ROBO1: variants seen among roughly 807,000 people sequenced by gnomAD.
ROBO1 encodes the protein roundabout homolog 1.
A neutral mutation model predicts 195.9 loss-of-function variants in ROBO1; 149 were observed. The ratio of observed to expected loss-of-function variants is 0.76; its 90% CI spans 0.67 to 0.87. ROBO1 has a LOEUF of 0.87. Ranked by LOEUF, ROBO1 falls within the 40% of genes least tolerant of loss-of-function variation. The pLI, the probability that ROBO1 is intolerant of heterozygous loss-of-function variation, is 0.00. For missense variants in ROBO1, 1,933 were observed against 2,068.3 expected (o/e 0.93, Z 1.27); for synonymous variants, 816 against 733.2 (o/e 1.11, Z -1.82).
intron 2 of ROBO1, among the ~76,000 whole-genome samples, chr3:79,201,223 C>T (rs2081757477): frequency 1.3e-5 from 2 of 151,938 alleles, no homozygotes; most frequent in African/African-American, 4.8e-5. Flanking sequence ...TTTAATTCTA[C>T]TGTTTAAAAC....
chr3:78,786,335 A>G (rs2083833144), intron 4 of ROBO1, among the ~76,000 whole-genome samples: 1 of 152,210 alleles, frequency 6.6e-6, no homozygotes, highest in Non-Finnish European at 1.5e-5. Context: ...TGCTTTATAA[A>G]ACAAGTTTCA....
intron 1 of ROBO1, among the ~76,000 whole-genome samples, chr3:79,728,053 T>C (rs900604250): frequency 9.2e-5 from 14 of 152,144 alleles, no homozygotes; most frequent in African/African-American, 3.4e-4. Context: ...CAAGTGCTTA[T>C]CTTGTTATGT....
At chr3:78,788,082 G>A (rs2083897122) in intron 4 of ROBO1, among the ~76,000 whole-genome samples, 1 of 151,496 alleles carries the variant, frequency 6.6e-6, no homozygotes, top group African/African-American at 2.4e-5. Context: ...TGGGACTACA[G>A]GCGCCTGCCA....
chr3:79,683,286 G>A (rs898438937), intron 1 of ROBO1, among the ~76,000 whole-genome samples: 2 of 151,878 alleles, frequency 1.3e-5, no homozygotes, highest in Admixed American at 6.6e-5. Flanking sequence ...TCTGTCATGC[G>A]ATAAGATGCC....
chr3:79,155,252 G>A (rs968293427), intron 2 of ROBO1, among the ~76,000 whole-genome samples: 1 of 151,564 alleles, frequency 6.6e-6, no homozygotes, highest in Non-Finnish European at 1.5e-5. Context: ...AAAGAGAAAG[G>A]GCATGTTCTG....
chr3:79,212,599 C>T (rs1332653910), intron 2 of ROBO1, among the ~76,000 whole-genome samples: 2 of 152,188 alleles, frequency 1.3e-5, no homozygotes, highest in East Asian at 1.9e-4. Flanking sequence ...GGGCGCAGAT[C>T]ACTTGAGGCC....
chr3:79,231,680 A>AAT (rs1379137553), intron 2 of ROBO1, among the ~76,000 whole-genome samples: 1 of 152,156 alleles, frequency 6.6e-6, no homozygotes, highest in African/African-American at 2.4e-5. Flanking sequence ...TAAAGACAGA[A>AAT]ATGCCATTTG....
chr3:78,698,739 A>G lies in ROBO1; in HGVS notation c.1046-9967T>C, dbSNP rs141729669. 6.7e-3 allele frequency among the ~76,000 whole-genome samples: 1,019 copies of G among 152,314 alleles called. 6 individuals are homozygous for G. The highest frequency in any genetic ancestry group is 0.01 in the Non-Finnish European group (685 of 68,032). ...CAGCTGTAGATGAGCTATTCAACTT[A>G]AAGCTTATCAGAATACTAACATATA... On this transcript the variant is annotated intron_variant, in intron 8 of 30. Coordinates refer to ENST00000464233, the MANE Select transcript of ROBO1 (RefSeq NM_002941.4).
chr3:79,366,896 G>T (rs949591525), intron 2 of ROBO1, among the ~76,000 whole-genome samples: 2 of 32,348 alleles, frequency 6.2e-5, no homozygotes, highest in African/African-American at 3.1e-4. Flanking sequence ...CTTAGAAACA[G>T]GGGGAAGCTC....
rs2036244817 is a variant in ROBO1 at position 78,882,544 on chromosome 3, C to CT, written c.499+56056dup. Among the ~76,000 whole-genome samples, 3 of 152,064 alleles carry CT rather than the reference C, an allele frequency of 2.0e-5. No homozygotes were observed. In the South Asian group the frequency reaches 6.2e-4, roughly 31 times the overall value. ...GCCATCATGCTGAATGAAATATCTGCTAAGTATTTCTTCTCCACTGCATCT... is the reference window on the plus strand; with the variant it reads ...GCCATCATGCTGAATGAAATATCTGCTTAAGTATTTCTTCTCCACTGCATCT... On this transcript the variant is annotated intron_variant, in intron 4 of 30. Transcript: ENST00000464233.
chr3:78,814,388 T>C (rs778144374), intron 4 of ROBO1, among the ~76,000 whole-genome samples: 1 of 152,092 alleles, frequency 6.6e-6, no homozygotes, highest in Non-Finnish European at 1.5e-5. Context: ...TTTTATACTT[T>C]TAAAAAATGA....
intron 1 of ROBO1, among the ~76,000 whole-genome samples, chr3:79,750,483 G>T (rs1704087379): frequency 6.6e-6 from 1 of 152,096 alleles, no homozygotes; most frequent in African/African-American, 2.4e-5. Flanking sequence ...TATATGAGTT[G>T]GCTGTGTCCC....
chr3:79,208,936 T>G (rs1190027054), intron 2 of ROBO1, among the ~76,000 whole-genome samples: 1 of 152,144 alleles, frequency 6.6e-6, no homozygotes, highest in Non-Finnish European at 1.5e-5. Flanking sequence ...CAGCTTACTC[T>G]CTGTTTATGT....
rs368909952 is a variant in ROBO1, at chr3:79,584,646, T to TAC, written c.88+5176_88+5177dup. On this transcript the variant is annotated intron_variant, in intron 2 of 30. Transcript: ENST00000464233. ...GTGTGTGTGTGTGTGTGTATGTTCA[T>TAC]ACACACACACACACATACACGTACA... Among the ~76,000 whole-genome samples, 1,038 of 141,662 alleles carry TAC rather than the reference T, an allele frequency of 7.3e-3. 20 individuals carry two copies. Among genetic ancestry groups the TAC allele is most frequent in the African/African-American group, 0.025 (910 of 37,106 alleles). The allele number at this position is 141,662 out of a possible 152,430, so 92.9% of individuals were successfully genotyped here.
At chr3:79,690,751 C>T (rs1947275271) in intron 1 of ROBO1, among the ~76,000 whole-genome samples, 1 of 151,948 alleles carries the variant, frequency 6.6e-6, no homozygotes, top group Non-Finnish European at 1.5e-5. Context: ...AGTGTCCCTA[C>T]AATGATTCAC....
At chr3:79,177,971 T>C (rs764270254) in intron 2 of ROBO1, among the ~76,000 whole-genome samples, 2 of 152,248 alleles carry the variant, frequency 1.3e-5, no homozygotes, top group Non-Finnish European at 2.9e-5. Context: ...CAAGATCATG[T>C]GGCCAATTAA....
chr3:79,517,803 C>G (rs769121047), intron 2 of ROBO1, among the ~76,000 whole-genome samples: 2 of 152,174 alleles, frequency 1.3e-5, no homozygotes, highest in Non-Finnish European at 2.9e-5. Flanking sequence ...TTTTATTACT[C>G]TACTATGAAA....
intron 2 of ROBO1, among the ~76,000 whole-genome samples, chr3:79,462,893 C>T (rs1339754237): frequency 1.3e-5 from 2 of 152,114 alleles, no homozygotes; most frequent in Non-Finnish European, 2.9e-5. Flanking sequence ...ACACAAACTG[C>T]GTATAGTATA....
In ROBO1 at chr3:78,634,531, A is replaced by G. The variant is rs375443599; in HGVS notation, c.3374-489T>C. 3.6e-4 allele frequency: 126 copies of G among 350,202 alleles called. No individual in the cohort carries two copies. The East Asian group carries it at 9.4e-3, about 26-fold the overall frequency. 21.7% of individuals were successfully genotyped at this position (350,202 alleles called of 1,614,324 possible). ...CAGGTTCTTTATTATGGTCTGACATACCAAATCTGCTTACAAGCAGTATAA... is the reference window on the plus strand; with the variant it reads ...CAGGTTCTTTATTATGGTCTGACATGCCAAATCTGCTTACAAGCAGTATAA... On this transcript the variant is annotated intron_variant, in intron 23 of 30. Coordinates refer to ENST00000464233, the MANE Select transcript of ROBO1 (RefSeq NM_002941.4).
Sources: gnomAD v4.1 joint callset for allele counts (sites outside exome capture counted in the v4.1 genomes callset) on GRCh38, gnomAD v4.1.1 for gene constraint, MANE v1.5 for transcripts, NCBI Gene and HGNC (gene_info 2026-07-23, HGNC 2026-07-21) for gene names.